DHX37: variants seen among roughly 807,000 people sequenced by gnomAD.
DHX37 encodes DEAH-box helicase 37, also known as probable ATP-dependent RNA helicase DHX37.
DHX37 carries 52 observed loss-of-function variants against 134.3 expected under a neutral mutation model. That is an observed-to-expected ratio of 0.39 (90% confidence interval 0.31 to 0.49). DHX37 has a LOEUF of 0.49. Ranked by LOEUF, DHX37 falls within the 20% of genes least tolerant of loss-of-function variation. The probability of loss-of-function intolerance (pLI) is 0.93; values close to 1 mark genes in which losing one functional copy is unlikely to be tolerated. For synonymous variants in DHX37, 634 were observed against 670.7 expected (o/e 0.95, Z 0.85); for missense variants, 1,344 against 1,580.8 (o/e 0.85, Z 2.54).
At chr12:124,978,022 G>A (rs147579885) in intron 4 of DHX37, among the ~76,000 whole-genome samples, 122 of 152,288 alleles carry the variant, frequency 8.0e-4, no homozygotes, top group African/African-American at 2.5e-3. Context: ...ATGCAATGGC[G>A]CGATCTCGGC....
chr12:124,982,063 C>A (rs11057948), intron 3 of DHX37, among the ~76,000 whole-genome samples: 1 of 149,836 alleles, frequency 6.7e-6, no homozygotes, highest in South Asian at 2.1e-4. Context: ...GTGGAGGTTG[C>A]GGTAAGCTGA....
rs1388833298 is a variant in DHX37 at position 124,946,938 on chromosome 12, C to T, written c.*864G>A. The T allele has an allele frequency of 6.6e-6, 1 of 152,264 alleles. No homozygotes were observed. Among genetic ancestry groups the T allele is most frequent in the Non-Finnish European group, 1.5e-5 (1 of 68,048 alleles). The allele number at this position is 152,264 out of a possible 1,614,324, so 9.4% of individuals were successfully genotyped here. On this transcript the variant is annotated 3_prime_UTR_variant, in exon 27 of 27. Coordinates refer to ENST00000308736, the MANE Select transcript of DHX37 (RefSeq NM_032656.4). ...GGCTCTGGGGAGACATCTGTGCCCT[C>T]ACCATGGAGGACAGAAGGCAGGGGC...
chr12:124,980,438 C>T lies in DHX37; in HGVS notation c.738+52G>A, dbSNP rs1399248024. The T allele has an allele frequency of 6.3e-6, 10 of 1,578,456 alleles. No homozygotes were observed. The highest frequency in any genetic ancestry group is 3.4e-6 in the Non-Finnish European group (4 of 1,165,196). On this transcript the variant is annotated intron_variant, in intron 4 of 26. Coordinates refer to ENST00000308736, the MANE Select transcript of DHX37 (RefSeq NM_032656.4). This position sits in a 1 kb window ranked among gnomAD's most constrained non-coding sequence, Gnocchi z 5.3. ...CCACTTCACCAGGACGCCCTCTGTG[C>T]GCCCCTTGCCCGCTAACCTAGATTC...
intron 15 of DHX37, 155 bp from the exon 16 acceptor site, chr12:124,960,578 G>A (rs73229559): frequency 1.3e-4 from 108 of 830,934 alleles, no homozygotes; most frequent in Non-Finnish European, 1.5e-4. Context: ...GTGCTTTACC[G>A]CTTCCTGCCT....
chr12:124,964,697 G>C, intron 14 of DHX37, 71 bp from the exon 15 acceptor site: 4 of 1,579,058 alleles, frequency 2.5e-6, no homozygotes, highest in Non-Finnish European at 3.4e-6. Flanking sequence ...GAGGCTCAAG[G>C]ACAAAGCCAG....
At chr12:124,963,147 T>C (rs1301716020) in intron 15 of DHX37, among the ~76,000 whole-genome samples, 1 of 152,202 alleles carries the variant, frequency 6.6e-6, no homozygotes, top group African/African-American at 2.4e-5. Flanking sequence ...CACATCCATA[T>C]GGTGTGATAT....
At position 124,949,947 on chromosome 12, in the gene DHX37, C is replaced by T; in HGVS notation, c.3290+39G>A. The T allele has an allele frequency of 6.4e-7, 1 of 1,572,704 alleles. No homozygotes were observed. Among genetic ancestry groups the T allele is most frequent in the Non-Finnish European group, 8.7e-7 (1 of 1,154,494 alleles). ...CGGGGAGGTCATTCAGGCCTCGGAC[C>T]CCTCCTGCCCACTGCGAGGCTCCCA... is the stretch of plus-strand genomic sequence containing the variant. On this transcript the variant is annotated intron_variant, in intron 25 of 26. Transcript: ENST00000308736. This position sits in a 1 kb window ranked among gnomAD's most constrained non-coding sequence, Gnocchi z 4.0.
At position 124,964,436 on chromosome 12, in the gene DHX37, C is replaced by T. The variant is rs1174451157; in HGVS notation, c.2003G>A (p.Arg668Gln). ...TWVSQASADQ[R>Q]AGRAGRTEPG... ...CTCCGTCCGTCCTGCTCTGCCCGCT[C>T]GCTGGTCAGCTGATGCCTGGGAGAC... The change falls in exon 15 of 27, where the codon CGA becomes CAA. Residue 668 changes from arginine (R) to glutamine (Q), a missense_variant. By Grantham distance (43) the Arg-to-Gln change is conservative. Transcript: ENST00000308736. The T allele has an allele frequency of 6.2e-7, 1 of 1,614,006 alleles. No homozygotes were observed. Among genetic ancestry groups the T allele is most frequent in the Non-Finnish European group, 8.5e-7 (1 of 1,179,988 alleles).
chr12:124,971,285 C>G lies in DHX37; in HGVS notation c.1191+17G>C. 6.2e-7 allele frequency: 1 copy of G among 1,609,482 alleles called. No homozygotes were observed. Among genetic ancestry groups the G allele is most frequent in the South Asian group, 1.1e-5 (1 of 90,600 alleles). ...GCCTAGGGCTCGGGGCTCCCCAGCA[C>G]CCGCCTCCTGCGCTACCTTAGCCCG... On this transcript the variant is annotated intron_variant, in intron 8 of 26. Coordinates refer to ENST00000308736, the MANE Select transcript of DHX37 (RefSeq NM_032656.4).
In DHX37 at chr12:124,964,380, C is replaced by A; in HGVS notation, c.2045+14G>T. 6.2e-7 allele frequency: 1 copy of A among 1,612,268 alleles called. No individual in the cohort carries two copies. The highest frequency in any genetic ancestry group is 8.5e-7 in the Non-Finnish European group (1 of 1,179,832). ...CGGCACCAACGTCCCTGAGGAGGAG[C>A]CTGGGTGACCCACCTGTAGCAGTGG... On this transcript the variant is annotated intron_variant, in intron 15 of 26. Transcript: ENST00000308736.
At chr12:124,982,424 C>G in intron 3 of DHX37, 87 bp downstream of exon 3, 1 of 1,511,416 alleles carries the variant, frequency 6.6e-7, no homozygotes, top group East Asian at 2.3e-5. Context: ...CTCAAATGTT[C>G]CACCCCCAGA....
At chr12:124,984,404 A>G (rs1348081630) in intron 2 of DHX37, among the ~76,000 whole-genome samples, 1 of 152,110 alleles carries the variant, frequency 6.6e-6, no homozygotes, top group Non-Finnish European at 1.5e-5. Flanking sequence ...GTGGTGGTGC[A>G]TGCCTGTAAT....
intron 2 of DHX37, among the ~76,000 whole-genome samples, chr12:124,983,232 T>G (rs548431351): frequency 6.6e-6 from 1 of 151,860 alleles, no homozygotes; most frequent in Non-Finnish European, 1.5e-5. Flanking sequence ...CCTCAGCCTC[T>G]CCAAGTAGCT....
At chr12:124,985,131 G>A (rs139237742) in intron 2 of DHX37, among the ~76,000 whole-genome samples, 34 of 152,258 alleles carry the variant, frequency 2.2e-4, no homozygotes, top group African/African-American at 6.3e-4. Context: ...CCTTGATCTC[G>A]GACTTCTGGC....
chr12:124,960,430 G>A lies in DHX37; in HGVS notation c.2046-7C>T, dbSNP rs764320578. On this transcript the variant is annotated splice_region_variant and splice_polypyrimidine_tract_variant and intron_variant, in intron 15 of 26. Coordinates refer to ENST00000308736, the MANE Select transcript of DHX37 (RefSeq NM_032656.4). ...AACCGCAGATGAATACAGCCTGGAT[G>A]GAGAGAAACCGGGACAACAAACACA... 7.5e-6 allele frequency: 12 copies of A among 1,607,414 alleles called. No homozygotes were observed. The highest frequency in any genetic ancestry group is 5.5e-5 in the South Asian group (5 of 90,826).
intron 4 of DHX37, 146 bp from the exon 5 acceptor site, chr12:124,977,636 GA>G: frequency 4.6e-6 from 4 of 878,282 alleles, no homozygotes; most frequent in Non-Finnish European, 6.3e-6. Context: ...AGGGGACCAG[GA>G]GCCATGGTCC....
At chr12:124,968,005 C>A (rs113365909) in intron 10 of DHX37, among the ~76,000 whole-genome samples, 1 of 151,904 alleles carries the variant, frequency 6.6e-6, no homozygotes, top group African/African-American at 2.4e-5. Context: ...CACTTGAACC[C>A]GGGAGGTGGA....
intron 4 of DHX37, among the ~76,000 whole-genome samples, chr12:124,979,757 A>G (rs1954717434): frequency 6.6e-6 from 1 of 152,206 alleles, no homozygotes; most frequent in Admixed American, 6.5e-5. Flanking sequence ...CGCGGAGCAG[A>G]ACCCCACACC....
chr12:124,960,911 G>A (rs966407901), intron 15 of DHX37, among the ~76,000 whole-genome samples: 3 of 152,180 alleles, frequency 2.0e-5, no homozygotes, highest in Non-Finnish European at 4.4e-5. Context: ...GCCAGATGGT[G>A]CCACTGTACT....
Sources: gnomAD v4.1 joint callset for allele counts (sites outside exome capture counted in the v4.1 genomes callset) on GRCh38, gnomAD v4.1.1 for gene constraint, Gnocchi (gnomAD v3.1) non-coding constraint, MANE v1.5 for transcripts, NCBI Gene and HGNC (gene_info 2026-07-23, HGNC 2026-07-21) for gene names.